ENO4: variants seen among roughly 807,000 people sequenced by gnomAD.
The protein encoded by ENO4 is 2-phospho-D-glycerate hydro-lyase.
A neutral mutation model predicts 63.2 loss-of-function variants in ENO4; 53 were observed. The ratio of observed to expected loss-of-function variants is 0.84; its 90% CI spans 0.67 to 1.05. The LOEUF (loss-of-function observed/expected upper bound fraction) is 1.05, where lower values mean the gene tolerates loss of function less well. Ranked by LOEUF, ENO4 falls within the 50% of genes least tolerant of loss-of-function variation. ENO4 has a pLI of 0.00. For synonymous variants in ENO4, 266 were observed against 283.8 expected (o/e 0.94, Z 0.63); for missense variants, 719 against 772.0 (o/e 0.93, Z 0.81).
intron 1 of ENO4, chr10:116,850,147 T>C (rs954967745): frequency 1.8e-5 from 5 of 277,210 alleles, no homozygotes; most frequent in Non-Finnish European, 2.8e-5. Flanking sequence ...GATCACAGGA[T>C]GAACACCTTG....
intron 7 of ENO4, among the ~76,000 whole-genome samples, chr10:116,866,896 T>C (rs1049964793): frequency 6.6e-6 from 1 of 152,098 alleles, no homozygotes; most frequent in African/African-American, 2.4e-5. Context: ...TAATTGAATA[T>C]AGAAAGATGT....
rs1311755308 is a variant in ENO4, at chr10:116,899,546, T to TGTGTGTGTGTGTGTGTGTGA, written c.1195-11952_1195-11951insTGTGTGTGTGTGTGTGTGAG. Among the ~76,000 whole-genome samples the TGTGTGTGTGTGTGTGTGTGA allele has an allele frequency of 2.3e-4, 28 of 123,898 alleles. 1 individual carries two copies. The highest frequency in any genetic ancestry group is 7.8e-4 in the African/African-American group (27 of 34,452). The allele number at this position is 123,898 out of a possible 152,430, so 81.3% of individuals were successfully genotyped here. A position where few individuals can be genotyped will look rare whatever the true frequency, so the allele number is the denominator to read the frequency against. On this transcript the variant is annotated intron_variant, in intron 10 of 10. Transcript: ENST00000369207. ...GTGTGTGTGTGTGTGTGTGTGTGTG[T>TGTGTGTGTGTGTGTGTGTGA]GAGAGAGTGCATGCATACATATGTT...
chr10:116,886,887 A>T (rs1270713968), downstream of ENO4, among the ~76,000 whole-genome samples: 4 of 152,214 alleles, frequency 2.6e-5, no homozygotes, highest in Non-Finnish European at 5.9e-5. Context: ...CAAACTGTGA[A>T]CTTCTCACAG....
intron 1 of ENO4, among the ~76,000 whole-genome samples, chr10:116,850,710 C>T (rs531810964): frequency 2.0e-5 from 3 of 152,102 alleles, no homozygotes; most frequent in Non-Finnish European, 2.9e-5. Flanking sequence ...CCTATACTAT[C>T]AAAGGGGAGA....
chr10:116,891,052 A>G (rs1315057558), intron 10 of ENO4, among the ~76,000 whole-genome samples: 1 of 152,218 alleles, frequency 6.6e-6, no homozygotes, highest in Non-Finnish European at 1.5e-5. Flanking sequence ...CGTGGTTCTG[A>G]GCTCAATTGA....
intron 10 of ENO4, among the ~76,000 whole-genome samples, chr10:116,902,306 C>T (rs1045411254): frequency 4.5e-4 from 68 of 152,260 alleles, no homozygotes; most frequent in African/African-American, 1.6e-3. Flanking sequence ...CGAACCATTT[C>T]GCCTCTCAAG....
intron 6 of ENO4, among the ~76,000 whole-genome samples, chr10:116,862,428 G>GCC (rs1414715838): frequency 6.6e-6 from 1 of 151,726 alleles, no homozygotes; most frequent in Non-Finnish European, 1.5e-5. Flanking sequence ...GCCACTGCAC[G>GCC]CCAGCCTGGG....
chr10:116,872,197 C>G lies in ENO4; in HGVS notation c.1215+905C>G, dbSNP rs12768743. ...GGGCAACAAGAGTGAAACTCCATCTCAAAACAAAAAACAAGCAACATTCTA... is the reference window on the plus strand; with the variant it reads ...GGGCAACAAGAGTGAAACTCCATCTGAAAACAAAAAACAAGCAACATTCTA... On this transcript the variant is annotated intron_variant, in intron 9 of 13. Coordinates refer to ENST00000341276, the MANE Select transcript of ENO4 (RefSeq NM_001242699.2). Among the ~76,000 whole-genome samples the G allele has an allele frequency of 5.3e-3, 805 of 152,168 alleles. 7 individuals carry two copies. The highest frequency in any genetic ancestry group is 0.017 in the Middle Eastern group (5 of 294).
intron 10 of ENO4, among the ~76,000 whole-genome samples, chr10:116,895,346 G>A (rs1235592930): frequency 6.6e-6 from 1 of 152,126 alleles, no homozygotes; most frequent in Admixed American, 6.5e-5. Context: ...ATTCTGACAG[G>A]CTAATTTCTA....
At chr10:116,896,409 T>A (rs3740581) in intron 10 of ENO4, among the ~76,000 whole-genome samples, 4 of 152,194 alleles carry the variant, frequency 2.6e-5, no homozygotes, top group Non-Finnish European at 2.9e-5. Context: ...CTAGTCAACC[T>A]AGCTGGGGTG....
At chr10:116,887,333 C>A (rs1320365362), downstream of ENO4, among the ~76,000 whole-genome samples, 1 of 152,176 alleles carries the variant, frequency 6.6e-6, no homozygotes, top group East Asian at 1.9e-4. Flanking sequence ...GAACAGATAT[C>A]TCTGAAACAC....
intron 7 of ENO4, among the ~76,000 whole-genome samples, chr10:116,863,320 G>A (rs1327478959): frequency 6.6e-6 from 1 of 151,238 alleles, no homozygotes; most frequent in East Asian, 2.0e-4. Flanking sequence ...GAAGGGCTGA[G>A]GCCAGGAGAG....
chr10:116,877,676 C>T (rs1466704470), intron 11 of ENO4, among the ~76,000 whole-genome samples: 1 of 152,056 alleles, frequency 6.6e-6, no homozygotes, highest in African/African-American at 2.4e-5. Context: ...GACAGGATCC[C>T]AGCAATGGGG....
At chr10:116,902,034 C>T (rs1001235523) in intron 10 of ENO4, 3 of 1,284,980 alleles carry the variant, frequency 2.3e-6, no homozygotes, top group Non-Finnish European at 3.2e-6. Context: ...AACAGATTAG[C>T]TGAAAATCCC....
downstream of ENO4, chr10:116,883,139 T>C (rs968045623): frequency 6.6e-6 from 1 of 152,178 alleles, no homozygotes; most frequent in Non-Finnish European, 1.5e-5. Context: ...AGGTCAGCAG[T>C]GTGACTTCAA....
chr10:116,871,357 A>G (rs1846690722), intron 9 of ENO4, 65 bp downstream of exon 9: 8 of 1,323,056 alleles, frequency 6.0e-6, no homozygotes, highest in Non-Finnish European at 8.2e-6. Flanking sequence ...TAGAACTCAG[A>G]AAAAAAAGAG....
At chr10:116,871,007 GAATC>G in intron 8 of ENO4, 114 bp from the exon 9 acceptor site, 1 of 833,506 alleles carries the variant, frequency 1.2e-6, no homozygotes. Context: ...GTAGGATTGA[GAATC>G]AAAGGACTGA....
chr10:116,902,965 G>A (rs996595544), intron 10 of ENO4, among the ~76,000 whole-genome samples: 25 of 152,234 alleles, frequency 1.6e-4, no homozygotes, highest in African/African-American at 5.8e-4. Flanking sequence ...CTTCCATTTG[G>A]ATTTAATGTG....
chr10:116,881,625 C>T lies in ENO4; in HGVS notation c.1834C>T (p.Gln612Ter), dbSNP rs1446837937. The change falls in exon 14 of 14, where the codon CAA becomes TAA. Residue 612 changes from glutamine to a stop codon, truncating the protein, a stop_gained. Coordinates refer to ENST00000341276, the MANE Select transcript of ENO4 (RefSeq NM_001242699.2). LOFTEE classifies it low-confidence loss of function (END_TRUNC). The part of the protein sequence containing the change: ...REPLVPTFPT[Q>*]GVEESAETGA... ...GCCGCTGGTGCCCACCTTCCCCACA[C>T]AAGGTGTAGAGGAATCAGCCGAAAC... The T allele has an allele frequency of 1.3e-6, 2 of 1,550,430 alleles. No individual in the cohort carries two copies. Among genetic ancestry groups the T allele is most frequent in the East Asian group, 2.4e-5 (1 of 40,906 alleles).
Sources: gnomAD v4.1 joint callset for allele counts (sites outside exome capture counted in the v4.1 genomes callset) on GRCh38, gnomAD v4.1.1 for gene constraint, MANE v1.5 for transcripts, NCBI Gene and HGNC (gene_info 2026-07-23, HGNC 2026-07-21) for gene names.